The following BMPER variants were observed in gnomAD, a reference collection of about 807,000 sequenced individuals.
BMPER encodes BMP binding endothelial regulator.
Under a neutral mutation model 87.3 loss-of-function variants are expected in BMPER, and 45 were observed. That is an observed-to-expected ratio of 0.52 (90% CI 0.41 to 0.66). The LOEUF is 0.66. Ranked by LOEUF, BMPER falls within the 30% of genes least tolerant of loss-of-function variation. BMPER has a pLI of 0.00. For synonymous variants in BMPER, 326 were observed against 316.2 expected (o/e 1.03, Z -0.33); for missense variants, 784 against 867.5 (o/e 0.90, Z 1.21).
intron 13 of BMPER, among the ~76,000 whole-genome samples, chr7:34,090,224 T>C (rs751881574): frequency 6.6e-6 from 1 of 152,234 alleles, no homozygotes; most frequent in Non-Finnish European, 1.5e-5. Flanking sequence ...TAGTGCATTA[T>C]AGAAATTCCT....
chr7:34,081,995 C>T (rs1789062214), intron 12 of BMPER, among the ~76,000 whole-genome samples: 1 of 152,180 alleles, frequency 6.6e-6, no homozygotes, highest in Admixed American at 6.5e-5. Context: ...AAAAACCCAA[C>T]TAGTGGTCTG....
chr7:33,966,355 G>C, intron 3 of BMPER, 124 bp from the exon 4 acceptor site: 2 of 801,542 alleles, frequency 2.5e-6, no homozygotes, highest in Non-Finnish European at 4.3e-6. Context: ...AATAGCCAAA[G>C]AGCATGGTGG....
intron 11 of BMPER, among the ~76,000 whole-genome samples, chr7:34,063,386 T>C: frequency 9.2e-6 from 1 of 109,018 alleles, no homozygotes; most frequent in East Asian, 2.0e-4. Context: ...TATATGTGTG[T>C]GTGTGTGTGT....
intron 6 of BMPER, among the ~76,000 whole-genome samples, chr7:34,004,007 G>C (rs1786658643): frequency 6.6e-6 from 1 of 151,974 alleles, no homozygotes; most frequent in Non-Finnish European, 1.5e-5. Flanking sequence ...CCTTTTTCCT[G>C]TTTCCTTCCA....
chr7:33,976,072 A>G (rs1410047309), intron 6 of BMPER, among the ~76,000 whole-genome samples: 1 of 152,232 alleles, frequency 6.6e-6, no homozygotes, highest in Non-Finnish European at 1.5e-5. Context: ...TGTACTCATG[A>G]AAATGAGCAT....
rs904825692 is a variant in BMPER at position 34,155,273 on chromosome 7, C to A, written c.*2000C>A. On this transcript the variant is annotated 3_prime_UTR_variant, in exon 15 of 15. Transcript: ENST00000649409. ...GATTCCTTAAGATTAGCTTTAAATC[C>A]CTTTTCAGTTCACTGTTGGTTCTCA... 3 of 152,174 alleles carry A rather than the reference C, an allele frequency of 2.0e-5. No individual in the cohort carries two copies. The highest frequency in any genetic ancestry group is 4.4e-5 in the Non-Finnish European group (3 of 68,032). 9.4% of individuals were successfully genotyped at this position (152,174 alleles called of 1,614,324 possible).
At chr7:33,974,553 T>G in intron 5 of BMPER, 149 bp from the exon 6 acceptor site, 2 of 813,302 alleles carry the variant, frequency 2.5e-6, no homozygotes, top group Non-Finnish European at 4.3e-6. Flanking sequence ...TGTTTTTTTC[T>G]TTTCACTATG....
intron 11 of BMPER, among the ~76,000 whole-genome samples, chr7:34,077,513 T>C (rs1035749540): frequency 6.6e-6 from 1 of 152,216 alleles, no homozygotes; most frequent in Non-Finnish European, 1.5e-5. Context: ...TATTTGTTCA[T>C]TGAAATTCTC....
intron 6 of BMPER, among the ~76,000 whole-genome samples, chr7:33,976,005 A>G (rs772324699): frequency 6.6e-6 from 1 of 152,054 alleles, no homozygotes; most frequent in Non-Finnish European, 1.5e-5. Context: ...TATAAAACAT[A>G]TGTAATATAC....
At chr7:33,973,505 T>C (rs1180429306) in intron 5 of BMPER, among the ~76,000 whole-genome samples, 1 of 152,228 alleles carries the variant, frequency 6.6e-6, no homozygotes, top group Non-Finnish European at 1.5e-5. Flanking sequence ...TCTGCATGTC[T>C]TCCATTTAAC....
rs1562762293 is a variant in BMPER at position 34,129,666 on chromosome 7, A to AAGAAAGAAAGAAAGAAAGAAAGAAAGAC, written c.1746-13547_1746-13546insGAAAGAAAGACAGAAAGAAAGAAAGAAA. Reference sequence around the variant, plus strand: ...AAAGAAAGAAAGAAAGAAAGAAAGAAAGAAAGAAAGAAAGAAAACCTGCCA... The same window carrying AAGAAAGAAAGAAAGAAAGAAAGAAAGAC: ...AAAGAAAGAAAGAAAGAAAGAAAGAAAGAAAGAAAGAAAGAAAGAAAGAAAGACAGAAAGAAAGAAAGAAAACCTGCCA... On this transcript the variant is annotated intron_variant, in intron 13 of 14. Coordinates refer to ENST00000649409, the MANE Select transcript of BMPER (RefSeq NM_001365308.1). Among the ~76,000 whole-genome samples the AAGAAAGAAAGAAAGAAAGAAAGAAAGAC allele has an allele frequency of 9.9e-4, 149 of 151,074 alleles. 1 individual carries two copies. The highest frequency in any genetic ancestry group is 3.5e-3 in the African/African-American group (144 of 40,708).
chr7:33,939,337 A>T (rs1427482349), intron 3 of BMPER, among the ~76,000 whole-genome samples: 1 of 152,072 alleles, frequency 6.6e-6, no homozygotes, highest in East Asian at 1.9e-4. Context: ...TTTCCTGAAC[A>T]TTCTTTTTGG....
At chr7:34,014,771 G>C (rs560635430) in intron 6 of BMPER, among the ~76,000 whole-genome samples, 13 of 152,074 alleles carry the variant, frequency 8.5e-5, no homozygotes, top group African/African-American at 2.4e-4. Context: ...AAATAAAATA[G>C]TGAAGTCAGC....
At chr7:34,151,119 C>T (rs1791164568) in intron 14 of BMPER, among the ~76,000 whole-genome samples, 1 of 152,058 alleles carries the variant, frequency 6.6e-6, no homozygotes, top group South Asian at 2.1e-4. Flanking sequence ...CATGAGGGAG[C>T]CTATTGATGT....
chr7:34,023,620 A>G (rs1052820285), intron 6 of BMPER, among the ~76,000 whole-genome samples: 9 of 152,074 alleles, frequency 5.9e-5, no homozygotes, highest in Admixed American at 3.3e-4. Context: ...GAGGGCCTAA[A>G]TGTATGAACT....
chr7:34,058,176 C>T lies in BMPER; in HGVS notation c.1032+13C>T. The T allele has an allele frequency of 6.2e-7, 1 of 1,608,218 alleles. No homozygotes were observed. Among genetic ancestry groups the T allele is most frequent in the African/African-American group, 1.3e-5 (1 of 74,906 alleles). ...TAGCTGCCCACAGGTATGTTTGGAA[C>T]ACAGATTGACTTTACCTTAGCGTCT... On this transcript the variant is annotated intron_variant, in intron 10 of 14. Coordinates refer to ENST00000649409, the MANE Select transcript of BMPER (RefSeq NM_001365308.1).
intron 11 of BMPER, among the ~76,000 whole-genome samples, chr7:34,078,267 C>CT (rs1391816325): frequency 6.6e-6 from 1 of 152,140 alleles, no homozygotes; most frequent in Non-Finnish European, 1.5e-5. Flanking sequence ...CGTATAAAGA[C>CT]TATCTGTAAA....
chr7:34,149,886 A>G (rs1163262509), intron 14 of BMPER, among the ~76,000 whole-genome samples: 1 of 152,190 alleles, frequency 6.6e-6, no homozygotes, highest in African/African-American at 2.4e-5. Context: ...ATGACTGTAA[A>G]TTCTTCCCCA....
intron 12 of BMPER, among the ~76,000 whole-genome samples, chr7:34,081,525 G>A (rs1284459215): frequency 6.6e-6 from 1 of 152,232 alleles, no homozygotes; most frequent in African/African-American, 2.4e-5. Context: ...TAGTTGCGTA[G>A]CTAATATAAA....
Sources: allele counts gnomAD v4.1 joint callset (sites outside exome capture counted in the v4.1 genomes callset), GRCh38; gene constraint gnomAD v4.1.1; transcripts MANE v1.5; gene names NCBI Gene and HGNC (gene_info 2026-07-23, HGNC 2026-07-21).